The following PTPRD variants were observed in gnomAD, a reference collection of about 807,000 sequenced individuals.
PTPRD encodes the protein receptor-type tyrosine-protein phosphatase delta.
A neutral mutation model predicts 214.5 loss-of-function variants in PTPRD; 34 were observed. That is an observed-to-expected ratio of 0.16 (90% CI 0.12 to 0.21). The LOEUF is 0.21. Ranked by LOEUF, PTPRD falls within the 10% of genes least tolerant of loss-of-function variation. The probability of loss-of-function intolerance (pLI) is 1.00; values close to 1 mark genes in which losing one functional copy is unlikely to be tolerated. For missense variants in PTPRD, 2,545 were observed against 2,398.7 expected, an observed-to-expected ratio of 1.06 and a Z score of -1.27; for synonymous variants, 1,128 against 845.7, an observed-to-expected ratio of 1.33 and a Z score of -5.79.
At chr9:9,937,805 T>A (rs530841537) in intron 5 of PTPRD, among the ~76,000 whole-genome samples, 70 of 152,258 alleles carry the variant, frequency 4.6e-4, no homozygotes, top group Non-Finnish European at 9.1e-4. Context: ...GAAAATCATT[T>A]AAAAAAATAA....
At chr9:9,092,531 T>C (rs113245321) in intron 10 of PTPRD, among the ~76,000 whole-genome samples, 3,141 of 152,170 alleles carry the variant, frequency 0.021, 103 homozygotes, top group African/African-American at 0.071. Context: ...ACAAATTAAG[T>C]GTAATAGTTA....
intron 12 of PTPRD, among the ~76,000 whole-genome samples, chr9:8,682,543 T>TA (rs2097571115): frequency 6.6e-6 from 1 of 152,212 alleles, no homozygotes; most frequent in East Asian, 1.9e-4. Context: ...TATGAAATTA[T>TA]AAAAAACATT....
At chr9:8,812,655 A>C (rs1319885440) in intron 11 of PTPRD, among the ~76,000 whole-genome samples, 4 of 152,080 alleles carry the variant, frequency 2.6e-5, no homozygotes. Context: ...GTTGACCTTC[A>C]ACCCACTGTA....
chr9:10,182,624 T>C (rs2099305105), intron 3 of PTPRD, among the ~76,000 whole-genome samples: 1 of 152,176 alleles, frequency 6.6e-6, no homozygotes, highest in South Asian at 2.1e-4. Flanking sequence ...ATTTTGAAGA[T>C]ATATTCTAAC....
At position 9,253,883 on chromosome 9, in the gene PTPRD, C is replaced by G. The variant is rs551691339; in HGVS notation, c.-202-70520G>C. On this transcript the variant is annotated intron_variant, in intron 9 of 45. Transcript: ENST00000381196. ...TGAAATCAAGGTGTTGGCAGGGCTG[C>G]ACTTCCTGCAGAGGGCTTGGGGAGA... Among the ~76,000 whole-genome samples the G allele has an allele frequency of 1.7e-3, 256 of 152,180 alleles. 1 individual carries two copies. Among genetic ancestry groups the G allele is most frequent in the African/African-American group, 6.0e-3 (248 of 41,550 alleles).
At chr9:8,718,370 C>T (rs891146164) in intron 12 of PTPRD, among the ~76,000 whole-genome samples, 4 of 152,154 alleles carry the variant, frequency 2.6e-5, no homozygotes, top group Admixed American at 2.0e-4. Context: ...TAATACCCCT[C>T]GTTTCCCTCT....
At position 9,460,013 on chromosome 9, in the gene PTPRD, C is replaced by T. The variant is rs116589130; in HGVS notation, c.-236-62531G>A. 3.9e-3 allele frequency among the ~76,000 whole-genome samples: 592 copies of T among 152,112 alleles called. 2 individuals carry two copies. Among genetic ancestry groups the T allele is most frequent in the African/African-American group, 0.013 (535 of 41,514 alleles). ...AAAATAGACACATCGATCAACAGAA[C>T]GGAAGACAGAACCCAGAAATACAGC... On this transcript the variant is annotated intron_variant, in intron 8 of 45. Coordinates refer to ENST00000381196, the MANE Select transcript of PTPRD (RefSeq NM_002839.4).
At chr9:8,346,854 C>G (rs962870983) in intron 39 of PTPRD, among the ~76,000 whole-genome samples, 10 of 152,126 alleles carry the variant, frequency 6.6e-5, no homozygotes, top group Non-Finnish European at 1.5e-4. Flanking sequence ...AATCAATCCT[C>G]TATATGTACA....
In PTPRD at chr9:10,019,783, G is replaced by C. The variant is rs895207837; in HGVS notation, c.-472+13935C>G. ...CACACACTGGGGCCTGTTGTGGGGTGGGGGGGAGCTGGGAGGGATAGCATT... is the reference window on the plus strand; with the variant it reads ...CACACACTGGGGCCTGTTGTGGGGTCGGGGGGAGCTGGGAGGGATAGCATT... On this transcript the variant is annotated intron_variant, in intron 4 of 45. Coordinates refer to ENST00000381196, the MANE Select transcript of PTPRD (RefSeq NM_002839.4). 1.4e-4 allele frequency among the ~76,000 whole-genome samples: 21 copies of C among 147,606 alleles called. 1 individual carries two copies. Among genetic ancestry groups the C allele is most frequent in the Admixed American group, 5.4e-4 (8 of 14,712 alleles).
At chr9:8,568,969 T>C (rs536057617) in intron 14 of PTPRD, among the ~76,000 whole-genome samples, 26 of 152,258 alleles carry the variant, frequency 1.7e-4, no homozygotes, top group Admixed American at 3.3e-4. Flanking sequence ...TTCTTTTATA[T>C]AGAAATATGC....
intron 12 of PTPRD, among the ~76,000 whole-genome samples, chr9:8,639,650 A>C (rs1554975700): frequency 6.6e-6 from 1 of 152,194 alleles, no homozygotes; most frequent in Non-Finnish European, 1.5e-5. Flanking sequence ...CTTAACCCAA[A>C]GAATGAAGAA....
intron 5 of PTPRD, among the ~76,000 whole-genome samples, chr9:9,856,007 C>A (rs760363178): frequency 2.0e-5 from 3 of 152,092 alleles, no homozygotes; most frequent in African/African-American, 7.2e-5. Flanking sequence ...AAAATGAGAT[C>A]GCAAGAATGA....
At chr9:8,820,976 T>C (rs989420666) in intron 11 of PTPRD, among the ~76,000 whole-genome samples, 1 of 152,114 alleles carries the variant, frequency 6.6e-6, no homozygotes, top group Non-Finnish European at 1.5e-5. Flanking sequence ...GAAATTAGAG[T>C]GCCCAGTTCA....
intron 2 of PTPRD, among the ~76,000 whole-genome samples, chr9:10,392,327 A>AG (rs780024590): frequency 2.4e-4 from 37 of 151,942 alleles, no homozygotes; most frequent in Non-Finnish European, 3.5e-4. Context: ...TTCTTTCTGC[A>AG]AGTAAAGAAG....
intron 8 of PTPRD, among the ~76,000 whole-genome samples, chr9:9,494,159 G>C (rs909152064): frequency 6.6e-6 from 1 of 152,170 alleles, no homozygotes. Flanking sequence ...ATGAGGAGTT[G>C]CTTCTTATAA....
chr9:8,766,976 T>C (rs1444592099), intron 11 of PTPRD, among the ~76,000 whole-genome samples: 1 of 152,188 alleles, frequency 6.6e-6, no homozygotes, highest in African/African-American at 2.4e-5. Context: ...GGACTTACTG[T>C]ATATGTTTCC....
chr9:8,813,518 C>T (rs1008995541), intron 11 of PTPRD, among the ~76,000 whole-genome samples: 4 of 152,106 alleles, frequency 2.6e-5, no homozygotes, highest in East Asian at 1.9e-4. Context: ...CTACAAGGCA[C>T]GTGCCACCAT....
rs183784265 is a variant in PTPRD at position 9,203,883 on chromosome 9, A to G, written c.-202-20520T>C. On this transcript the variant is annotated intron_variant, in intron 9 of 45. Transcript: ENST00000381196. The stretch of plus-strand genomic sequence containing the variant: ...TATAGAAAAGCTAATTTGAGTGTAG[A>G]GTATGAGAAGAATTGGAGAAAGAAA... 5.1e-3 allele frequency among the ~76,000 whole-genome samples: 782 copies of G among 152,310 alleles called. 5 individuals are homozygous for G. The highest frequency in any genetic ancestry group is 0.017 in the African/African-American group (719 of 41,574).
intron 9 of PTPRD, among the ~76,000 whole-genome samples, chr9:9,354,522 AT>A (rs5896320): frequency 0.21 from 31,668 of 150,950 alleles, 3,902 homozygotes; most frequent in East Asian, 0.34. Context: ...AAAAACCTAC[AT>A]TTTTTTTTGT....
Sources: allele counts gnomAD v4.1 joint callset (sites outside exome capture counted in the v4.1 genomes callset), GRCh38; gene constraint gnomAD v4.1.1; transcripts MANE v1.5; gene names NCBI Gene and HGNC (gene_info 2026-07-23, HGNC 2026-07-21).